The following GMDS variants were observed in gnomAD, a reference collection of about 807,000 sequenced individuals.
GMDS encodes the protein GDP-mannose 4,6-dehydratase.
Under a neutral mutation model 49.9 loss-of-function variants are expected in GMDS, and 20 were observed. The observed-to-expected ratio is 0.40, with a 90% CI of 0.28 to 0.58. GMDS has a LOEUF of 0.58. Among genes scored for constraint, GMDS ranks in the 20% least tolerant of loss-of-function variants. The pLI is 0.42. For synonymous variants in GMDS, 177 were observed against 178.6 expected (o/e 0.99, Z 0.07); for missense variants, 362 against 481.4 (o/e 0.75, Z 2.32).
At chr6:2,153,656 C>A (rs1478474888) in intron 1 of GMDS, among the ~76,000 whole-genome samples, 1 of 151,954 alleles carries the variant, frequency 6.6e-6, no homozygotes, top group East Asian at 1.9e-4. Context: ...TATTGTTCAC[C>A]TATTGAACTG....
At chr6:1,687,928 A>T (rs1420747670) in intron 9 of GMDS, among the ~76,000 whole-genome samples, 1 of 152,158 alleles carries the variant, frequency 6.6e-6, no homozygotes, top group Non-Finnish European at 1.5e-5. Context: ...CTGGAATTCC[A>T]CTGAGAGAGC....
chr6:1,911,379 G>A (rs1292542002), intron 7 of GMDS, among the ~76,000 whole-genome samples: 1 of 152,144 alleles, frequency 6.6e-6, no homozygotes. Flanking sequence ...TGTACCCTCT[G>A]GGTTTGGGGA....
intron 1 of GMDS, among the ~76,000 whole-genome samples, chr6:2,152,994 C>T (rs1427972616): frequency 1.3e-5 from 2 of 152,014 alleles, no homozygotes; most frequent in Middle Eastern, 3.2e-3. Context: ...GCAGGGGCAT[C>T]GCTTGAACCC....
intron 9 of GMDS, among the ~76,000 whole-genome samples, chr6:1,697,126 A>G (rs748878797): frequency 3.9e-5 from 6 of 152,226 alleles, no homozygotes; most frequent in Admixed American, 6.5e-5. Flanking sequence ...CCCAAATGCC[A>G]TAAGTGGGCA....
chr6:2,063,803 A>G (rs947417840), intron 4 of GMDS, among the ~76,000 whole-genome samples: 2 of 152,234 alleles, frequency 1.3e-5, no homozygotes. Context: ...TTCCATAACA[A>G]GACAAAAGTC....
In GMDS at chr6:2,174,862, C is replaced by G. The variant is rs141719169; in HGVS notation, c.103-50131G>C. ...AGCATTATAGGCATGATCCACCATG[C>G]CTGGCCGAATGGTGCCTAGTTTCTA... On this transcript the variant is annotated intron_variant, in intron 1 of 10. Coordinates refer to ENST00000380815, the MANE Select transcript of GMDS (RefSeq NM_001500.4). Among the ~76,000 whole-genome samples the G allele has an allele frequency of 6.6e-5, 10 of 152,054 alleles. No individual in the cohort carries two copies. The East Asian group carries it at 1.9e-3, about 30-fold the overall frequency.
intron 4 of GMDS, among the ~76,000 whole-genome samples, chr6:2,030,841 CAT>C (rs1281818642): frequency 6.6e-6 from 1 of 152,142 alleles, no homozygotes; most frequent in Non-Finnish European, 1.5e-5. Flanking sequence ...TGATATATAG[CAT>C]ATGTTTCACT....
In GMDS at chr6:2,236,580, C is replaced by T. The variant is rs574763887; in HGVS notation, c.102+8741G>A. 1.3e-5 allele frequency among the ~76,000 whole-genome samples: 2 copies of T among 152,300 alleles called. 1 individual carries two copies. The highest frequency in any genetic ancestry group is 4.1e-4 in the South Asian group (2 of 4,832). ...TATCAATATTGATCACCAAAAAATACTACTAGTGTCTGCATATACTTGCAA... is the reference window on the plus strand; with the variant it reads ...TATCAATATTGATCACCAAAAAATATTACTAGTGTCTGCATATACTTGCAA... On this transcript the variant is annotated intron_variant, in intron 1 of 10. Coordinates refer to ENST00000380815, the MANE Select transcript of GMDS (RefSeq NM_001500.4).
intron 4 of GMDS, among the ~76,000 whole-genome samples, chr6:2,100,094 A>G (rs189477560): frequency 1.2e-4 from 19 of 152,172 alleles, no homozygotes; most frequent in Middle Eastern, 3.4e-3. Flanking sequence ...TCTTCCTCAC[A>G]GGTTTGTTTT....
chr6:1,760,146 G>A (rs1313452111), intron 7 of GMDS, among the ~76,000 whole-genome samples: 1 of 152,186 alleles, frequency 6.6e-6, no homozygotes, highest in Non-Finnish European at 1.5e-5. Context: ...AGGGAGATGT[G>A]CAGACACAGA....
At chr6:2,040,562 G>A (rs1233990253) in intron 4 of GMDS, among the ~76,000 whole-genome samples, 1 of 152,110 alleles carries the variant, frequency 6.6e-6, no homozygotes, top group Admixed American at 6.5e-5. Context: ...CAGCAGCAAT[G>A]TACATTAATT....
At chr6:1,733,047 C>T (rs759908737) in intron 8 of GMDS, among the ~76,000 whole-genome samples, 11 of 152,322 alleles carry the variant, frequency 7.2e-5, no homozygotes, top group Non-Finnish European at 1.6e-4. Context: ...TTCTGTCACA[C>T]TAGCTCCGCT....
chr6:1,624,045 AGCG>A lies in GMDS; in HGVS notation c.*121_*123del. The A allele has an allele frequency of 1.2e-6, 1 of 809,342 alleles. No individual in the cohort carries two copies. Among genetic ancestry groups the A allele is most frequent in the Non-Finnish European group, 2.0e-6 (1 of 505,826 alleles). 50.1% of individuals were successfully genotyped at this position (809,342 alleles called of 1,614,324 possible). On this transcript the variant is annotated 3_prime_UTR_variant, in exon 11 of 11. Transcript: ENST00000380815. ...CCCGCTCTTGCGGCCGGGACAGCGCAGCGGCAGCAGGGGCCGCAGGGGACCCGC... is the reference window on the plus strand; with the variant it reads ...CCCGCTCTTGCGGCCGGGACAGCGCAGCAGCAGGGGCCGCAGGGGACCCGC...
chr6:2,069,055 G>A (rs1284178247), intron 4 of GMDS, among the ~76,000 whole-genome samples: 1 of 152,132 alleles, frequency 6.6e-6, no homozygotes, highest in Non-Finnish European at 1.5e-5. Context: ...CATGGTACTG[G>A]TACCAAAACA....
chr6:1,702,171 C>G (rs2113367953), intron 9 of GMDS, among the ~76,000 whole-genome samples: 1 of 152,386 alleles, frequency 6.6e-6, no homozygotes, highest in East Asian at 1.9e-4. Flanking sequence ...CGAGCTTTGA[C>G]AGCAGTAGCT....
chr6:2,075,586 T>A (rs1018386459), intron 4 of GMDS, among the ~76,000 whole-genome samples: 21 of 152,244 alleles, frequency 1.4e-4, no homozygotes, highest in Non-Finnish European at 2.8e-4. Flanking sequence ...GGACATGAAC[T>A]CATCATTTTT....
chr6:1,969,941 C>A (rs1170402940), intron 4 of GMDS, among the ~76,000 whole-genome samples: 1 of 152,160 alleles, frequency 6.6e-6, no homozygotes, highest in East Asian at 1.9e-4. Flanking sequence ...GGAGAGTACT[C>A]AGGAATATTA....
intron 9 of GMDS, among the ~76,000 whole-genome samples, chr6:1,674,545 ACTCTCT>A (rs1224533876): frequency 2.4e-5 from 3 of 123,380 alleles, no homozygotes; most frequent in African/African-American, 9.5e-5. Context: ...CAACTCATCA[ACTCTCT>A]CTCTCTCTCT....
At chr6:2,189,180 C>A (rs190608970) in intron 1 of GMDS, among the ~76,000 whole-genome samples, 13 of 152,184 alleles carry the variant, frequency 8.5e-5, no homozygotes, top group East Asian at 7.7e-4. Context: ...ACAGAACACA[C>A]GGTGACTGGT....
Sources: gnomAD v4.1 joint callset for allele counts (sites outside exome capture counted in the v4.1 genomes callset) on GRCh38, gnomAD v4.1.1 for gene constraint, MANE v1.5 for transcripts, NCBI Gene and HGNC (gene_info 2026-07-23, HGNC 2026-07-21) for gene names.